CPQ: variants seen among roughly 807,000 people sequenced by gnomAD.
The protein encoded by CPQ is carboxypeptidase Q.
In CPQ, 37 loss-of-function variants were observed where a neutral mutation model predicts 45.7. The observed-to-expected ratio is 0.81, with a 90% CI of 0.62 to 1.07. CPQ has a LOEUF of 1.07. Among genes scored for constraint, CPQ ranks in the 50% least tolerant of loss-of-function variants. The pLI, the probability that CPQ is intolerant of heterozygous loss-of-function variation, is 0.00. For missense variants in CPQ, 537 were observed against 572.9 expected, an observed-to-expected ratio of 0.94 and a Z score of 0.64; for synonymous variants, 186 against 205.8, an observed-to-expected ratio of 0.90 and a Z score of 0.82.
At chr8:96,652,241 C>G (rs559051381) in intron 1 of CPQ, among the ~76,000 whole-genome samples, 1 of 152,274 alleles carries the variant, frequency 6.6e-6, no homozygotes, top group South Asian at 2.1e-4. Context: ...GTGCCTATGT[C>G]TGGCTTATTG....
chr8:96,709,840 T>A lies in CPQ; in HGVS notation c.-35+64438T>A, dbSNP rs551460339. 3.9e-5 allele frequency among the ~76,000 whole-genome samples: 6 copies of A among 152,270 alleles called. No individual in the cohort carries two copies. The South Asian group carries it at 1.2e-3, about 32-fold the overall frequency. On this transcript the variant is annotated intron_variant, in intron 1 of 7. Transcript: ENST00000220763. ...TTCATCAGGAATATTGGTCTGTAGT[T>A]TTCTTTTTTTGTTCTGTTCTTTCCC... is the stretch of plus-strand genomic sequence containing the variant.
chr8:97,008,754 T>C (rs1224472559), intron 5 of CPQ, among the ~76,000 whole-genome samples: 2 of 152,212 alleles, frequency 1.3e-5, no homozygotes, highest in African/African-American at 4.8e-5. Context: ...GGAAAAGTAC[T>C]AGTACCTGCA....
intron 4 of CPQ, among the ~76,000 whole-genome samples, chr8:96,899,868 G>A (rs747667357): frequency 2.1e-5 from 3 of 145,832 alleles, no homozygotes; most frequent in Non-Finnish European, 3.1e-5. Flanking sequence ...CAAGGTATCT[G>A]GGTAAGAGAA....
chr8:96,794,119 TG>T (rs1810891403), intron 2 of CPQ, among the ~76,000 whole-genome samples: 1 of 152,204 alleles, frequency 6.6e-6, no homozygotes, highest in African/African-American at 2.4e-5. Flanking sequence ...GTAGGGACTC[TG>T]TGTGGGGGCT....
intron 4 of CPQ, among the ~76,000 whole-genome samples, chr8:96,902,201 A>G (rs1300371515): frequency 6.6e-6 from 1 of 152,204 alleles, no homozygotes; most frequent in Non-Finnish European, 1.5e-5. Flanking sequence ...AAGGGGCCCC[A>G]AGCCAGAGAG....
chr8:96,806,225 A>T (rs1489746744), intron 2 of CPQ, among the ~76,000 whole-genome samples: 1 of 151,800 alleles, frequency 6.6e-6, no homozygotes, highest in Non-Finnish European at 1.5e-5. Context: ...GCCTCACACT[A>T]CTCCCTTCCT....
intron 2 of CPQ, among the ~76,000 whole-genome samples, chr8:96,831,621 T>C (rs757525908): frequency 2.6e-5 from 4 of 152,158 alleles, no homozygotes; most frequent in Non-Finnish European, 5.9e-5. Context: ...AGTTTTATTT[T>C]ATTCCATTTG....
chr8:97,082,254 C>T (rs1168135208), intron 7 of CPQ, among the ~76,000 whole-genome samples: 1 of 152,144 alleles, frequency 6.6e-6, no homozygotes, highest in Non-Finnish European at 1.5e-5. Context: ...AGCCCAACTT[C>T]CCCCCTTGGG....
chr8:96,715,822 T>C (rs980315159), intron 1 of CPQ, among the ~76,000 whole-genome samples: 4 of 152,152 alleles, frequency 2.6e-5, no homozygotes, highest in Non-Finnish European at 4.4e-5. Flanking sequence ...AGGGCCAGAT[T>C]ACTGTGAATG....
intron 7 of CPQ, among the ~76,000 whole-genome samples, chr8:97,083,903 C>G (rs1195964970): frequency 1.3e-5 from 2 of 152,146 alleles, no homozygotes; most frequent in African/African-American, 2.4e-5. Flanking sequence ...GGAAATGGGA[C>G]AAGTACCTCT....
intron 4 of CPQ, among the ~76,000 whole-genome samples, chr8:96,950,199 G>A (rs1348635218): frequency 6.6e-6 from 1 of 152,056 alleles, no homozygotes; most frequent in East Asian, 1.9e-4. Context: ...TTACACAGTA[G>A]TCGAGAATAA....
rs187974404 is a variant in CPQ at position 96,781,103 on chromosome 8, C to A, written c.-34-3761C>A. 2.7e-3 allele frequency among the ~76,000 whole-genome samples: 411 copies of A among 152,146 alleles called. 5 individuals carry two copies. Among genetic ancestry groups the A allele is most frequent in the Admixed American group, 0.011 (170 of 15,278 alleles). Reference sequence around the variant, plus strand: ...TGAAGGAACAATTTTGAAAATTTTGCATTTGTTATAGACTAATGCTTTCGC... The same window carrying A: ...TGAAGGAACAATTTTGAAAATTTTGAATTTGTTATAGACTAATGCTTTCGC... On this transcript the variant is annotated intron_variant, in intron 1 of 7. Transcript: ENST00000220763.
intron 3 of CPQ, among the ~76,000 whole-genome samples, chr8:96,869,947 TG>T (rs1812044866): frequency 6.6e-6 from 1 of 152,010 alleles, no homozygotes; most frequent in South Asian, 2.1e-4. Context: ...GCACCTACTG[TG>T]GTCCAGAAAT....
chr8:97,089,802 C>T (rs1485022671), intron 7 of CPQ, among the ~76,000 whole-genome samples: 1 of 152,082 alleles, frequency 6.6e-6, no homozygotes, highest in African/African-American at 2.4e-5. Context: ...ACCCCTGGAC[C>T]AGTAGTATTC....
chr8:96,716,461 A>G (rs1365667116), intron 1 of CPQ, among the ~76,000 whole-genome samples: 1 of 152,142 alleles, frequency 6.6e-6, no homozygotes, highest in Non-Finnish European at 1.5e-5. Flanking sequence ...CTGAATGTGT[A>G]TTCTTATTTC....
chr8:96,893,517 A>C (rs891706301), intron 4 of CPQ, among the ~76,000 whole-genome samples: 2 of 152,194 alleles, frequency 1.3e-5, no homozygotes, highest in African/African-American at 4.8e-5. Context: ...AGTACTTTAC[A>C]ATTTGTAATG....
In CPQ at chr8:97,005,090, T is replaced by C. The variant is rs558022425; in HGVS notation, c.962-24313T>C. 6.0e-5 allele frequency among the ~76,000 whole-genome samples: 9 copies of C among 149,796 alleles called. No individual in the cohort carries two copies. In the East Asian group the frequency reaches 1.4e-3, roughly 24 times the overall value. On this transcript the variant is annotated intron_variant, in intron 5 of 7. Transcript: ENST00000220763. ...TGTAGGAACTGAGTATTTATGATCT[T>C]TTTTTTTTTGAGATGGAGTCTCACT...
At chr8:96,836,796 T>C (rs2130850060) in intron 3 of CPQ, among the ~76,000 whole-genome samples, 1 of 151,928 alleles carries the variant, frequency 6.6e-6, no homozygotes, top group South Asian at 2.1e-4. Context: ...CACTGGCATT[T>C]TTTTTTTTTT....
intron 3 of CPQ, among the ~76,000 whole-genome samples, chr8:96,841,877 T>C (rs989119911): frequency 6.6e-6 from 1 of 152,128 alleles, no homozygotes; most frequent in Non-Finnish European, 1.5e-5. Context: ...CATGAAAAAG[T>C]ACATAAATCA....
Sources: allele counts gnomAD v4.1 joint callset (sites outside exome capture counted in the v4.1 genomes callset), GRCh38; gene constraint gnomAD v4.1.1; transcripts MANE v1.5; gene names NCBI Gene and HGNC (gene_info 2026-07-23, HGNC 2026-07-21).